MAGI3: variants seen among roughly 807,000 people sequenced by gnomAD.
MAGI3 encodes membrane-associated guanylate kinase, WW and PDZ domain-containing protein 3.
Under a neutral mutation model 121.8 loss-of-function variants are expected in MAGI3, and 43 were observed. The observed-to-expected ratio is 0.35, with a 90% CI of 0.28 to 0.46. The LOEUF (loss-of-function observed/expected upper bound fraction) is 0.46, where lower values mean the gene tolerates loss of function less well. MAGI3 is among the 20% of genes least tolerant of loss of function. MAGI3 has a pLI of 1.00. For missense variants in MAGI3, 1,547 were observed against 1,797.3 expected (o/e 0.86, Z 2.52); for synonymous variants, 553 against 639.3 (o/e 0.86, Z 2.04).
chr1:113,428,706 G>C (rs1451274997), intron 1 of MAGI3, among the ~76,000 whole-genome samples: 1 of 152,006 alleles, frequency 6.6e-6, no homozygotes, highest in Non-Finnish European at 1.5e-5. Flanking sequence ...ACATGTTTTG[G>C]TACTATGTCT....
intron 5 of MAGI3, among the ~76,000 whole-genome samples, chr1:113,593,303 A>G (rs985252190): frequency 2.0e-5 from 3 of 152,216 alleles, no homozygotes; most frequent in Non-Finnish European, 2.9e-5. Flanking sequence ...TTCCAATAAT[A>G]ACTTTAGGCA....
At chr1:113,393,025 T>A (rs1650911145) in intron 1 of MAGI3, among the ~76,000 whole-genome samples, 1 of 152,210 alleles carries the variant, frequency 6.6e-6, no homozygotes, top group South Asian at 2.1e-4. Context: ...AATTTTAAAG[T>A]TGATATATTG....
intron 2 of MAGI3, among the ~76,000 whole-genome samples, chr1:113,566,941 A>G (rs529023244): frequency 1.3e-5 from 2 of 152,030 alleles, no homozygotes; most frequent in South Asian, 2.1e-4. Flanking sequence ...TAAAGACTAG[A>G]GCAGAGATAA....
intron 1 of MAGI3, among the ~76,000 whole-genome samples, chr1:113,546,089 G>T (rs528253640): frequency 6.6e-6 from 1 of 152,182 alleles, no homozygotes; most frequent in African/African-American, 2.4e-5. Flanking sequence ...AAATTCCCTG[G>T]AATCATATCA....
chr1:113,619,335 G>A (rs971463462), intron 7 of MAGI3, among the ~76,000 whole-genome samples: 1 of 152,266 alleles, frequency 6.6e-6, no homozygotes, highest in African/African-American at 2.4e-5. Flanking sequence ...TTCTTTCAAA[G>A]TGCCTTTACA....
rs932490576 is a variant in MAGI3, at chr1:113,684,647, A to T, written c.*633A>T. On this transcript the variant is annotated 3_prime_UTR_variant, in exon 21 of 21. Transcript: ENST00000307546. Reference sequence around the variant, plus strand: ...TATTGATGCTTTCTTATGGCTTTTTATTTTAATTTGGCTGGATAAGTTGTT... The same window carrying T: ...TATTGATGCTTTCTTATGGCTTTTTTTTTTAATTTGGCTGGATAAGTTGTT... The T allele has an allele frequency of 6.6e-6, 1 of 152,278 alleles. No individual in the cohort carries two copies. Among genetic ancestry groups the T allele is most frequent in the Non-Finnish European group, 1.5e-5 (1 of 67,996 alleles). The allele number at this position is 152,278 out of a possible 1,614,324, so 9.4% of individuals were successfully genotyped here. A position where few individuals can be genotyped will look rare whatever the true frequency, so the allele number is the denominator to read the frequency against.
At chr1:113,537,620 G>T (rs1036491132) in intron 1 of MAGI3, among the ~76,000 whole-genome samples, 3 of 152,326 alleles carry the variant, frequency 2.0e-5, no homozygotes, top group Admixed American at 6.5e-5. Flanking sequence ...CTGTCCTTAT[G>T]AGCTAGAGAG....
At chr1:113,594,427 A>G in intron 5 of MAGI3, 54 bp from the exon 6 acceptor site, 1 of 1,407,866 alleles carries the variant, frequency 7.1e-7, no homozygotes, top group South Asian at 1.2e-5. Context: ...TACTTTTGAA[A>G]TAATTTTCTC....
At chr1:113,592,935 C>T (rs1419622523) in intron 5 of MAGI3, among the ~76,000 whole-genome samples, 3 of 152,134 alleles carry the variant, frequency 2.0e-5, no homozygotes, top group African/African-American at 7.2e-5. Flanking sequence ...TGGTGTGAAC[C>T]TGAGAGGTGG....
intron 19 of MAGI3, among the ~76,000 whole-genome samples, chr1:113,674,192 G>A (rs1389315858): frequency 6.6e-6 from 1 of 152,110 alleles, no homozygotes; most frequent in Non-Finnish European, 1.5e-5. Flanking sequence ...GGGAGTTCGA[G>A]ACCAGCCTGA....
At chr1:113,601,776 T>C (rs2101753312) in intron 6 of MAGI3, among the ~76,000 whole-genome samples, 2 of 144,320 alleles carry the variant, frequency 1.4e-5, no homozygotes, top group Non-Finnish European at 3.0e-5. Flanking sequence ...TGCACAAGTA[T>C]GTTTATTGTG....
intron 1 of MAGI3, among the ~76,000 whole-genome samples, chr1:113,492,141 C>T (rs2101583430): frequency 6.6e-6 from 1 of 152,278 alleles, no homozygotes; most frequent in Middle Eastern, 3.4e-3. Context: ...CAAATCAAAT[C>T]CAGCATAACA....
intron 18 of MAGI3, among the ~76,000 whole-genome samples, chr1:113,673,093 T>C (rs1647661907): frequency 1.3e-5 from 2 of 152,242 alleles, no homozygotes; most frequent in Admixed American, 1.3e-4. Flanking sequence ...CTCTGATTGT[T>C]GCATTGCACA....
intron 1 of MAGI3, among the ~76,000 whole-genome samples, chr1:113,402,325 T>C (rs1022217708): frequency 6.6e-6 from 1 of 152,206 alleles, no homozygotes; most frequent in African/African-American, 2.4e-5. Flanking sequence ...AATCATTATA[T>C]GCCATGGATT....
chr1:113,410,060 T>C (rs1030143455), intron 1 of MAGI3, among the ~76,000 whole-genome samples: 1 of 152,180 alleles, frequency 6.6e-6, no homozygotes, highest in Admixed American at 6.5e-5. Context: ...TTCAGGCAGC[T>C]CCACTTCTCT....
intron 2 of MAGI3, among the ~76,000 whole-genome samples, chr1:113,562,931 C>G (rs1660298041): frequency 6.6e-6 from 1 of 152,156 alleles, no homozygotes; most frequent in South Asian, 2.1e-4. Context: ...TACACAAACT[C>G]TTCTAGAAAA....
At chr1:113,416,286 T>TTAATTATGTAAA (rs1652370101) in intron 1 of MAGI3, among the ~76,000 whole-genome samples, 1 of 83,438 alleles carries the variant, frequency 1.2e-5, no homozygotes, top group African/African-American at 3.8e-5. Context: ...ATTACACATA[T>TTAATTATGTAAA]TAATTATGTA....
At chr1:113,544,553 G>A (rs1243720185) in intron 1 of MAGI3, among the ~76,000 whole-genome samples, 1 of 152,176 alleles carries the variant, frequency 6.6e-6, no homozygotes, top group Non-Finnish European at 1.5e-5. Context: ...GAACAGCTCA[G>A]GTTTCTTAAA....
chr1:113,583,089 T>C (rs1322035348), intron 3 of MAGI3, among the ~76,000 whole-genome samples: 1 of 151,526 alleles, frequency 6.6e-6, no homozygotes, highest in Non-Finnish European at 1.5e-5. Context: ...ATCTGAAAAC[T>C]TGGTATTTAC....
Sources: gnomAD v4.1 joint callset for allele counts (sites outside exome capture counted in the v4.1 genomes callset) on GRCh38, gnomAD v4.1.1 for gene constraint, MANE v1.5 for transcripts, NCBI Gene and HGNC (gene_info 2026-07-23, HGNC 2026-07-21) for gene names.